THSD4: variants seen among roughly 807,000 people sequenced by gnomAD.
THSD4 encodes thrombospondin type-1 domain-containing protein 4.
In THSD4, 69 loss-of-function variants were observed where a neutral mutation model predicts 119.0. The observed-to-expected ratio is 0.58, with a 90% CI of 0.48 to 0.71. The LOEUF is 0.71. THSD4 is among the 30% of genes least tolerant of loss of function. The pLI is 0.00. For synonymous variants in THSD4, 524 were observed against 540.4 expected, an observed-to-expected ratio of 0.97 and a Z score of 0.42; for missense variants, 1,393 against 1,391.1, an observed-to-expected ratio of 1.00 and a Z score of -0.02.
chr15:71,240,319 T>G (rs1216082071), intron 4 of THSD4, among the ~76,000 whole-genome samples: 1 of 152,062 alleles, frequency 6.6e-6, no homozygotes, highest in South Asian at 2.1e-4. Flanking sequence ...AACTCAGAGG[T>G]TTTTGGTTTG....
chr15:71,266,259 A>T (rs1008307346), intron 6 of THSD4, among the ~76,000 whole-genome samples: 2 of 152,182 alleles, frequency 1.3e-5, no homozygotes, highest in Non-Finnish European at 2.9e-5. Context: ...TTCCAGAGGA[A>T]GGAACAGGAA....
At chr15:71,547,671 C>T in intron 7 of THSD4, 1 of 676,072 alleles carries the variant, frequency 1.5e-6, no homozygotes. Context: ...GAATTTTATA[C>T]TTTCTAAAAT....
intron 6 of THSD4, among the ~76,000 whole-genome samples, chr15:71,319,787 A>C (rs1196883511): frequency 6.6e-6 from 1 of 152,146 alleles, no homozygotes; most frequent in African/African-American, 2.4e-5. Flanking sequence ...CTGCCCTGTT[A>C]AAAGTCAGTT....
At chr15:71,592,565 A>G (rs576961301) in intron 7 of THSD4, among the ~76,000 whole-genome samples, 5 of 152,134 alleles carry the variant, frequency 3.3e-5, no homozygotes, top group African/African-American at 7.2e-5. Context: ...TCACTGTTCT[A>G]TACGTGGTGA....
chr15:71,629,456 G>A (rs1263030556), intron 7 of THSD4, among the ~76,000 whole-genome samples: 1 of 152,142 alleles, frequency 6.6e-6, no homozygotes, highest in East Asian at 1.9e-4. Flanking sequence ...CCTTTCCGCA[G>A]CTGCTGGGCC....
At chr15:71,464,785 G>A (rs2047477450) in intron 7 of THSD4, among the ~76,000 whole-genome samples, 1 of 152,118 alleles carries the variant, frequency 6.6e-6, no homozygotes, top group African/African-American at 2.4e-5. Flanking sequence ...GAATCCTTAT[G>A]TATAAGCCCT....
intron 6 of THSD4, among the ~76,000 whole-genome samples, chr15:71,310,785 T>C (rs553144388): frequency 1.3e-5 from 2 of 152,206 alleles, no homozygotes; most frequent in Non-Finnish European, 2.9e-5. Flanking sequence ...CTGGTTTCTA[T>C]GACCCACCTG....
chr15:71,139,159 A>G (rs74021939), intron 1 of THSD4, among the ~76,000 whole-genome samples: 2,737 of 152,266 alleles, frequency 0.018, 83 homozygotes, highest in African/African-American at 0.063. Flanking sequence ...TACCTTGCTT[A>G]TGCCAGACCA....
At chr15:71,261,339 T>A (rs1472035052) in intron 6 of THSD4, among the ~76,000 whole-genome samples, 2 of 152,132 alleles carry the variant, frequency 1.3e-5, no homozygotes, top group Non-Finnish European at 2.9e-5. Context: ...GGAAAATGCG[T>A]GGAAGGATCC....
chr15:71,121,184 C>T (rs1032893539), intron 1 of THSD4, among the ~76,000 whole-genome samples: 6 of 152,062 alleles, frequency 3.9e-5, no homozygotes, highest in African/African-American at 1.4e-4. Context: ...CAGGCAGCAG[C>T]GTGGTGGTGC....
rs545303073 is a variant in THSD4, at chr15:71,384,239, G to A, written c.1016-27448G>A. Among the ~76,000 whole-genome samples the A allele has an allele frequency of 9.0e-4, 137 of 152,250 alleles. 4 individuals carry two copies. In the South Asian group the frequency reaches 0.026, roughly 29 times the overall value. ...CTAAAAATACAAAAATTAGCTGGGC[G>A]TGGTGGCGGGTGCCTGTAGTCCCAG... On this transcript the variant is annotated intron_variant, in intron 6 of 17. Coordinates refer to ENST00000261862, the MANE Select transcript of THSD4 (RefSeq NM_024817.3).
intron 7 of THSD4, among the ~76,000 whole-genome samples, chr15:71,568,831 A>G (rs1454379667): frequency 6.6e-6 from 1 of 152,052 alleles, no homozygotes; most frequent in Non-Finnish European, 1.5e-5. Flanking sequence ...ATGAGTGAGA[A>G]CACGCAGTGT....
chr15:71,704,250 A>G (rs1399915142), intron 8 of THSD4, among the ~76,000 whole-genome samples: 1 of 152,328 alleles, frequency 6.6e-6, no homozygotes, highest in East Asian at 1.9e-4. Context: ...CTAAGTGACA[A>G]GATAGCACAT....
intron 6 of THSD4, among the ~76,000 whole-genome samples, chr15:71,346,742 A>G (rs1004968370): frequency 2.0e-5 from 3 of 152,066 alleles, no homozygotes; most frequent in Admixed American, 6.5e-5. Context: ...GAGCTGGGCA[A>G]TGCGTCTTAT....
intron 7 of THSD4, among the ~76,000 whole-genome samples, chr15:71,562,369 G>A (rs1219019462): frequency 2.0e-5 from 3 of 149,666 alleles, no homozygotes; most frequent in Non-Finnish European, 4.4e-5. Flanking sequence ...GAGTGTGTTG[G>A]AAGGTGGTAG....
chr15:71,712,617 C>T (rs1431306023), intron 8 of THSD4, among the ~76,000 whole-genome samples: 4 of 152,146 alleles, frequency 2.6e-5, no homozygotes, highest in African/African-American at 9.7e-5. Flanking sequence ...AAACAAAATA[C>T]TTGTTCTTTG....
intron 7 of THSD4, among the ~76,000 whole-genome samples, chr15:71,557,590 C>A (rs2049040404): frequency 6.6e-6 from 1 of 152,118 alleles, no homozygotes; most frequent in Admixed American, 6.5e-5. Context: ...AAAAAACTGG[C>A]TAAGCCTGAT....
intron 7 of THSD4, among the ~76,000 whole-genome samples, chr15:71,591,397 A>C (rs537397382): frequency 9.2e-5 from 14 of 152,350 alleles, no homozygotes; most frequent in African/African-American, 3.4e-4. Context: ...TGTCACAAAC[A>C]TATAACTATG....
intron 2 of THSD4, 81 bp downstream of exon 2, chr15:71,141,637 A>T (rs2040605604): frequency 1.4e-6 from 2 of 1,435,446 alleles, no homozygotes; most frequent in Non-Finnish European, 1.9e-6. Context: ...TTCTTAAAGT[A>T]AGTGATCTTA....
Sources: allele counts gnomAD v4.1 joint callset (sites outside exome capture counted in the v4.1 genomes callset), GRCh38; gene constraint gnomAD v4.1.1; transcripts MANE v1.5; gene names NCBI Gene and HGNC (gene_info 2026-07-23, HGNC 2026-07-21).